PKP2: variants seen among roughly 807,000 people sequenced by gnomAD.
The protein encoded by PKP2 is plakophilin 2.
Under a neutral mutation model 83.4 loss-of-function variants are expected in PKP2, and 73 were observed. The ratio of observed to expected loss-of-function variants is 0.88; its 90% CI spans 0.72 to 1.06. The LOEUF is 1.06. Ranked by LOEUF, PKP2 falls within the 50% of genes least tolerant of loss-of-function variation. PKP2 has a pLI of 0.00. For missense variants in PKP2, 966 were observed against 1,065.4 expected (o/e 0.91, Z 1.30); for synonymous variants, 409 against 430.4 (o/e 0.95, Z 0.62).
chr12:32,840,004 C>T (rs549508625), intron 6 of PKP2, among the ~76,000 whole-genome samples: 102 of 152,284 alleles, frequency 6.7e-4, no homozygotes, highest in African/African-American at 2.4e-3. Flanking sequence ...ATGAATGGTC[C>T]TTTGTTCTGC....
chr12:32,879,722 C>T (rs1166281489), intron 1 of PKP2, among the ~76,000 whole-genome samples: 2 of 150,786 alleles, frequency 1.3e-5, no homozygotes, highest in Non-Finnish European at 3.0e-5. Flanking sequence ...CCCAACTATT[C>T]GGGAGGCTGT....
chr12:32,838,140 C>T (rs1956559443), intron 6 of PKP2, among the ~76,000 whole-genome samples: 1 of 152,182 alleles, frequency 6.6e-6, no homozygotes, highest in Admixed American at 6.5e-5. Flanking sequence ...GAATACTACA[C>T]AGCCAAGAAA....
intron 6 of PKP2, among the ~76,000 whole-genome samples, chr12:32,825,137 C>T (rs55789406): frequency 0.018 from 2,735 of 150,454 alleles, 43 homozygotes; most frequent in South Asian, 0.045. Context: ...AAGAACTGTC[C>T]CTATAAAATG....
chr12:32,844,122 T>C (rs1956625234), intron 5 of PKP2, among the ~76,000 whole-genome samples: 1 of 152,218 alleles, frequency 6.6e-6, no homozygotes, highest in South Asian at 2.1e-4. Context: ...TGCTCCATTA[T>C]TTCTACAAAA....
chr12:32,810,274 A>AAAC lies in PKP2; in HGVS notation c.2014-7721_2014-7719dup, dbSNP rs372064920. On this transcript the variant is annotated intron_variant, in intron 9 of 12. Transcript: ENST00000340811. Reference sequence around the variant, plus strand: ...AGTAGAGCCTTGTTATCAATGTTAGAAACTTCTTTAGTATTCACTTCTTCC... The same window carrying AAAC: ...AGTAGAGCCTTGTTATCAATGTTAGAAACAACTTCTTTAGTATTCACTTCTTCC... Among the ~76,000 whole-genome samples, 406 of 152,356 alleles carry AAAC rather than the reference A, an allele frequency of 2.7e-3. 2 individuals are homozygous for AAAC. The highest frequency in any genetic ancestry group is 9.4e-3 in the African/African-American group (392 of 41,574).
chr12:32,845,475 C>T (rs1042487682), intron 5 of PKP2, among the ~76,000 whole-genome samples: 21 of 152,212 alleles, frequency 1.4e-4, no homozygotes, highest in Non-Finnish European at 2.5e-4. Flanking sequence ...TGGCGTGAAC[C>T]CGGGAGGCGG....
At chr12:32,812,895 T>A (rs1956289214) in intron 9 of PKP2, among the ~76,000 whole-genome samples, 1 of 152,230 alleles carries the variant, frequency 6.6e-6, no homozygotes, top group African/African-American at 2.4e-5. Flanking sequence ...AGTTTGGATG[T>A]ATATTCAGTC....
chr12:32,834,086 C>T (rs1417667318), intron 6 of PKP2, among the ~76,000 whole-genome samples: 1 of 152,154 alleles, frequency 6.6e-6, no homozygotes, highest in Non-Finnish European at 1.5e-5. Flanking sequence ...TTAAGTTTGA[C>T]TTTCTCCAGA....
chr12:32,882,417 T>TA (rs1956994642), intron 1 of PKP2, among the ~76,000 whole-genome samples: 1 of 152,168 alleles, frequency 6.6e-6, no homozygotes, highest in South Asian at 2.1e-4. Flanking sequence ...ACCCTTGCCC[T>TA]AATTCCAGGA....
chr12:32,850,822 C>A lies in PKP2; in HGVS notation c.1322G>T (p.Arg441Leu). The change falls in exon 5 of 13, where the codon CGG (arginine) becomes CTG (leucine). Residue 441 changes from arginine (R) to leucine (L), a missense_variant. Physicochemically the swap from Arg to Leu is moderately radical, Grantham distance 102. Transcript: ENST00000340811. Reference sequence around the variant, plus strand: ...GGTTTGCTTCAGCACCTGGAGCAGCCGAGGTACCCCATTTAGTTCAGCCAC... The same window carrying A: ...GGTTTGCTTCAGCACCTGGAGCAGCAGAGGTACCCCATTTAGTTCAGCCAC... ...LEVAELNGVPRLLQVLKQTRD... is the reference protein window; with the variant it reads ...LEVAELNGVPLLLQVLKQTRD... 1 of 1,613,616 alleles carries A rather than the reference C, an allele frequency of 6.2e-7. No homozygotes were observed. The highest frequency in any genetic ancestry group is 8.5e-7 in the Non-Finnish European group (1 of 1,179,862).
At chr12:32,842,196 T>C (rs1956599566) in intron 5 of PKP2, among the ~76,000 whole-genome samples, 1 of 152,198 alleles carries the variant, frequency 6.6e-6, no homozygotes, top group African/African-American at 2.4e-5. Context: ...ACTGATTGCT[T>C]GCTATTCCAG....
chr12:32,850,458 A>T (rs1260041321), intron 5 of PKP2, among the ~76,000 whole-genome samples: 1 of 152,060 alleles, frequency 6.6e-6, no homozygotes, highest in Non-Finnish European at 1.5e-5. Context: ...AATCCCAGCT[A>T]CTAGGGAAGC....
chr12:32,889,273 C>G (rs1182014588), intron 1 of PKP2, among the ~76,000 whole-genome samples: 2 of 152,112 alleles, frequency 1.3e-5, no homozygotes, highest in Non-Finnish European at 2.9e-5. Flanking sequence ...GGCATTAGAT[C>G]ACGAAGAACT....
chr12:32,841,304 G>T, intron 5 of PKP2, 99 bp from the exon 6 acceptor site: 2 of 990,228 alleles, frequency 2.0e-6, no homozygotes, highest in Non-Finnish European at 3.2e-6. Context: ...GCTATGACTA[G>T]TCATAAAAAA....
chr12:32,811,374 C>A (rs1278890431), intron 9 of PKP2, among the ~76,000 whole-genome samples: 1 of 152,200 alleles, frequency 6.6e-6, no homozygotes, highest in African/African-American at 2.4e-5. Flanking sequence ...GTTTCATCAG[C>A]ATTATAGACT....
rs756321518 is a variant in PKP2, at chr12:32,878,079, A to G, written c.801T>C (p.Thr267=). The part of the protein sequence containing the change: ...EKENYLTAGL[T]VGQVRPLVPL... ...GCACCAGCGGCCTGACCTGCCCGACAGTGAGCCCTGCCGTCAGGTAGTTCT... is the reference window on the plus strand; with the variant it reads ...GCACCAGCGGCCTGACCTGCCCGACGGTGAGCCCTGCCGTCAGGTAGTTCT... Residue 267 remains threonine, a synonymous_variant, in exon 3 of 13, where the codon ACT becomes ACC. Coordinates refer to ENST00000340811, the MANE Select transcript of PKP2 (RefSeq NM_001005242.3). 1.2e-6 allele frequency: 2 copies of G among 1,614,114 alleles called. No individual in the cohort carries two copies. Among genetic ancestry groups the G allele is most frequent in the South Asian group, 2.2e-5 (2 of 91,080 alleles).
rs186702423 is a variant in PKP2, at chr12:32,818,562, T to G, written c.2013+2794A>C. 1.3e-3 allele frequency among the ~76,000 whole-genome samples: 203 copies of G among 152,352 alleles called. 2 individuals are homozygous for G. Among genetic ancestry groups the G allele is most frequent in the African/African-American group, 4.6e-3 (190 of 41,592 alleles). On this transcript the variant is annotated intron_variant, in intron 9 of 12. Coordinates refer to ENST00000340811, the MANE Select transcript of PKP2 (RefSeq NM_001005242.3). Reference sequence around the variant, plus strand: ...TTTAATTTATATTATATTTAAAAGCTTGCTAAATAAGTAAATTTTATTATT... The same window carrying G: ...TTTAATTTATATTATATTTAAAAGCGTGCTAAATAAGTAAATTTTATTATT...
intron 8 of PKP2, 81 bp downstream of exon 8, chr12:32,822,386 C>T (rs554844256): frequency 8.4e-7 from 1 of 1,192,244 alleles, no homozygotes. Flanking sequence ...ATACCAAGTA[C>T]TTAGACATAC....
chr12:32,865,315 C>A (rs1956837340), intron 4 of PKP2, among the ~76,000 whole-genome samples: 1 of 143,676 alleles, frequency 7.0e-6, no homozygotes, highest in Non-Finnish European at 1.5e-5. Flanking sequence ...GCGGAGGTTG[C>A]AGTGAGCCAA....
Sources: allele counts gnomAD v4.1 joint callset (sites outside exome capture counted in the v4.1 genomes callset), GRCh38; gene constraint gnomAD v4.1.1; transcripts MANE v1.5; gene names NCBI Gene and HGNC (gene_info 2026-07-23, HGNC 2026-07-21).